The following EPG5 variants were observed in gnomAD, a reference collection of about 807,000 sequenced individuals.
EPG5 encodes ectopic P-granules 5 autophagy tethering factor.
A neutral mutation model predicts 302.7 loss-of-function variants in EPG5; 159 were observed. The observed-to-expected ratio is 0.53, with a 90% CI of 0.46 to 0.60. The LOEUF (loss-of-function observed/expected upper bound fraction) is 0.60. EPG5 is among the 20% of genes least tolerant of loss of function. EPG5 has a pLI of 0.00. For synonymous variants in EPG5, 1,158 were observed against 1,136.8 expected, an observed-to-expected ratio of 1.02 and a Z score of -0.37; for missense variants, 2,896 against 3,092.4, an observed-to-expected ratio of 0.94 and a Z score of 1.51.
intron 39 of EPG5, among the ~76,000 whole-genome samples, chr18:45,861,235 A>G (rs935574550): frequency 3.9e-5 from 6 of 152,204 alleles, no homozygotes; most frequent in African/African-American, 1.4e-4. Flanking sequence ...TCAAGCAAGG[A>G]CTTAAAAAAC....
chr18:45,882,422 C>CTCCA lies in EPG5; in HGVS notation c.5366_5369dup (p.Glu1790AspfsTer14). 1 of 1,614,194 alleles carries CTCCA rather than the reference C, an allele frequency of 6.2e-7. No individual in the cohort carries two copies. The highest frequency in any genetic ancestry group is 8.5e-7 in the Non-Finnish European group (1 of 1,180,044). Reference sequence around the variant, plus strand: ...AGGCAGTAAGTGCCAAGTGAATGGACTCCAGAAGCCTGGTACGATCAGACA... The same window carrying CTCCA: ...AGGCAGTAAGTGCCAAGTGAATGGACTCCATCCAGAAGCCTGGTACGATCAGACA... On this transcript the variant is annotated frameshift_variant, in exon 31 of 44. Transcript: ENST00000282041. LOFTEE classifies it high-confidence loss of function.
intron 29 of EPG5, among the ~76,000 whole-genome samples, chr18:45,887,282 G>A (rs1158123905): frequency 2.6e-5 from 4 of 152,158 alleles, no homozygotes; most frequent in Non-Finnish European, 5.9e-5. Flanking sequence ...GGGAGGTGGA[G>A]CAAGCACTGA....
At chr18:45,961,243 G>A (rs1743482346) in intron 1 of EPG5, among the ~76,000 whole-genome samples, 1 of 152,166 alleles carries the variant, frequency 6.6e-6, no homozygotes, top group East Asian at 1.9e-4. Flanking sequence ...CAGTCACAGT[G>A]ATTCTTTAAA....
At chr18:45,946,553 T>C in intron 7 of EPG5, 110 bp downstream of exon 7, 1 of 768,782 alleles carries the variant, frequency 1.3e-6, no homozygotes, top group East Asian at 2.6e-5. Context: ...CCTCATGGAG[T>C]TGCTGAGAGA....
chr18:45,853,748 T>C (rs2048461144), intron 43 of EPG5, among the ~76,000 whole-genome samples: 1 of 152,228 alleles, frequency 6.6e-6, no homozygotes, highest in African/African-American at 2.4e-5. Context: ...GAAAATAAAC[T>C]GAAGGTATCT....
downstream of EPG5, among the ~76,000 whole-genome samples, chr18:45,845,200 T>C (rs1307329124): frequency 6.6e-6 from 1 of 152,220 alleles, no homozygotes; most frequent in African/African-American, 2.4e-5. Flanking sequence ...AGCTGATACA[T>C]ACCCTTCTGC....
At chr18:45,949,242 G>A (rs1296858855) in intron 5 of EPG5, among the ~76,000 whole-genome samples, 4 of 152,068 alleles carry the variant, frequency 2.6e-5, no homozygotes, top group African/African-American at 7.2e-5. Flanking sequence ...AATTAAATGC[G>A]ACTGAAACTA....
At chr18:45,944,156 G>T in intron 7 of EPG5, 37 bp from the exon 8 acceptor site, 2 of 1,308,524 alleles carry the variant, frequency 1.5e-6, no homozygotes, top group South Asian at 2.4e-5. Flanking sequence ...CAGCAGATTT[G>T]ATCAGATCAC....
At position 45,907,975 on chromosome 18, in the gene EPG5, C is replaced by T. The variant is rs779984615; in HGVS notation, c.4312G>A (p.Val1438Met). ...AATTTCACCTGCTGATTCTGCATCA[C>T]TTTTGCTAGCCTGTGAATATCATAA... Reference protein sequence around the residue: ...KHYDIHRLAKVMQNQQDLWME... With the variant: ...KHYDIHRLAKMMQNQQDLWME... Residue 1438 changes from valine (V) to methionine (M), a missense_variant, in exon 24 of 44, where the codon GTG (valine) becomes ATG (methionine). By Grantham distance (21) the Val-to-Met change is conservative. Transcript: ENST00000282041. The T allele has an allele frequency of 1.3e-6, 2 of 1,561,386 alleles. No individual in the cohort carries two copies. Among genetic ancestry groups the T allele is most frequent in the Non-Finnish European group, 1.7e-6 (2 of 1,162,270 alleles).
chr18:45,919,112 T>C (rs954197706), intron 16 of EPG5, among the ~76,000 whole-genome samples: 36 of 152,206 alleles, frequency 2.4e-4, no homozygotes, highest in Non-Finnish European at 2.9e-4. Flanking sequence ...AATGATTTTA[T>C]GATGGGAAAT....
chr18:45,890,017 AATT>A (rs1378737575), intron 27 of EPG5, 77 bp from the exon 28 acceptor site: 45 of 1,285,742 alleles, frequency 3.5e-5, no homozygotes, highest in Non-Finnish European at 4.2e-5. Context: ...ACTGAAATAA[AATT>A]ATTGTCTTAT....
At chr18:45,837,536 A>C in the EPG5 span, 1 of 1,517,622 alleles carries the variant, frequency 6.6e-7, no homozygotes, top group Non-Finnish European at 8.8e-7. Flanking sequence ...GCGCTGGTCC[A>C]TGCAGGTGCC....
At chr18:45,966,375 C>CAAA (rs540209261) in intron 1 of EPG5, among the ~76,000 whole-genome samples, 4 of 73,062 alleles carry the variant, frequency 5.5e-5, no homozygotes, top group African/African-American at 1.9e-4. Context: ...GACTCTGTCT[C>CAAA]AAAAAAAAAA....
chr18:45,963,821 T>A (rs1190899813), intron 1 of EPG5, among the ~76,000 whole-genome samples: 1 of 152,158 alleles, frequency 6.6e-6, no homozygotes, highest in Non-Finnish European at 1.5e-5. Context: ...GAAAAATATA[T>A]ATCCAGCTCA....
intron 11 of EPG5, among the ~76,000 whole-genome samples, chr18:45,934,557 G>A (rs1422635626): frequency 6.6e-6 from 1 of 152,136 alleles, no homozygotes; most frequent in Non-Finnish European, 1.5e-5. Flanking sequence ...GCAAAAAAGT[G>A]CTTCCTAAAA....
chr18:45,870,406 C>T (rs1316452656), intron 36 of EPG5, among the ~76,000 whole-genome samples, 161 bp downstream of exon 36: 1 of 152,064 alleles, frequency 6.6e-6, no homozygotes, highest in Non-Finnish European at 1.5e-5. Flanking sequence ...AAAATGACTT[C>T]CACAAGACAC....
At chr18:45,845,926 A>G (rs581341), downstream of EPG5, among the ~76,000 whole-genome samples, 120,630 of 152,170 alleles carry the variant, frequency 0.79, 48,598 homozygotes, top group African/African-American at 0.93. Context: ...AGAAGAAACC[A>G]CCCAGGGGAT....
At chr18:45,819,354 T>C in the EPG5 span, among the ~76,000 whole-genome samples, 1 of 152,212 alleles carries the variant, frequency 6.6e-6, no homozygotes, top group African/African-American at 2.4e-5. Flanking sequence ...TCCCTCTGCT[T>C]GGCAGGCTAT....
At chr18:45,880,505 C>T (rs1467614256) in intron 31 of EPG5, among the ~76,000 whole-genome samples, 1 of 152,098 alleles carries the variant, frequency 6.6e-6, no homozygotes, top group Non-Finnish European at 1.5e-5. Flanking sequence ...CCTGACCCTC[C>T]GACCCTGACT....
Sources: gnomAD v4.1 joint callset for allele counts (sites outside exome capture counted in the v4.1 genomes callset) on GRCh38, gnomAD v4.1.1 for gene constraint, MANE v1.5 for transcripts, NCBI Gene and HGNC (gene_info 2026-07-23, HGNC 2026-07-21) for gene names.